The following ACACB variants were observed in gnomAD, a reference collection of about 807,000 sequenced individuals.
ACACB encodes the protein acetyl-CoA carboxylase beta.
A neutral mutation model predicts 278.8 loss-of-function variants in ACACB; 209 were observed. The ratio of observed to expected loss-of-function variants is 0.75; its 90% confidence interval spans 0.67 to 0.84. The LOEUF (loss-of-function observed/expected upper bound fraction) is 0.84. Ranked by LOEUF, ACACB falls within the 40% of genes least tolerant of loss-of-function variation. ACACB has a pLI of 0.00. For missense variants in ACACB, 2,850 were observed against 3,269.0 expected (o/e 0.87, Z 3.13); for synonymous variants, 1,174 against 1,285.6 (o/e 0.91, Z 1.86).
intron 2 of ACACB, among the ~76,000 whole-genome samples, chr12:109,163,909 A>G (rs2043816933): frequency 6.6e-6 from 1 of 152,124 alleles, no homozygotes; most frequent in Non-Finnish European, 1.5e-5. Context: ...TTCAGCTTCC[A>G]AAAGTGCTGG....
At chr12:109,180,787 C>T (rs1371486275) in intron 11 of ACACB, among the ~76,000 whole-genome samples, 1 of 152,014 alleles carries the variant, frequency 6.6e-6, no homozygotes, top group East Asian at 1.9e-4. Context: ...CCCCCTCCAG[C>T]GTTTATCCTT....
intron 21 of ACACB, among the ~76,000 whole-genome samples, chr12:109,209,919 A>ATATATGTGTATACACACACACACGTGTG (rs1565925163): frequency 2.2e-5 from 2 of 90,730 alleles, no homozygotes; most frequent in Non-Finnish European, 4.5e-5. Flanking sequence ...ACACGTGTGT[A>ATATATGTGTATACACACACACACGTGTG]TATATGTGTA....
At chr12:109,138,502 A>G (rs2043022969) in intron 1 of ACACB, among the ~76,000 whole-genome samples, 1 of 152,058 alleles carries the variant, frequency 6.6e-6, no homozygotes, top group Non-Finnish European at 1.5e-5. Context: ...TAATACTAGA[A>G]TGATGATGAT....
chr12:109,248,042 G>C (rs1190326390), intron 40 of ACACB, among the ~76,000 whole-genome samples: 1 of 152,190 alleles, frequency 6.6e-6, no homozygotes, highest in Admixed American at 6.5e-5. Flanking sequence ...GTATGGGTGG[G>C]GCAGAGAGAG....
chr12:109,167,253 A>C, intron 3 of ACACB: 1 of 434,256 alleles, frequency 2.3e-6, no homozygotes, highest in South Asian at 2.7e-5. Flanking sequence ...AAAAGTGTTA[A>C]GGGTGATCAC....
intron 37 of ACACB, among the ~76,000 whole-genome samples, chr12:109,243,897 T>TATATATATATATATATATA (rs1565965174): frequency 1.4e-5 from 2 of 147,454 alleles, no homozygotes; most frequent in African/African-American, 4.9e-5. Context: ...ATATATATAT[T>TATATATATATATATATATA]TATTTATTTA....
chr12:109,181,454 C>T (rs577831701), intron 11 of ACACB, among the ~76,000 whole-genome samples: 26 of 152,164 alleles, frequency 1.7e-4, no homozygotes, highest in African/African-American at 5.8e-4. Flanking sequence ...TCTCAAACTC[C>T]TGACCTCAGA....
chr12:109,183,743 C>T (rs1025063288), intron 11 of ACACB, among the ~76,000 whole-genome samples: 1 of 152,000 alleles, frequency 6.6e-6, no homozygotes, highest in African/African-American at 2.4e-5. Flanking sequence ...AATTGGACTT[C>T]TTCCTTTCCA....
chr12:109,171,704 G>T, intron 4 of ACACB, 101 bp from the exon 5 acceptor site: 1 of 880,160 alleles, frequency 1.1e-6, no homozygotes, highest in East Asian at 2.7e-5. Context: ...AATCTGCATG[G>T]TTCTGCTTTC....
intron 4 of ACACB, among the ~76,000 whole-genome samples, chr12:109,168,810 A>T (rs2284700): frequency 2.0e-5 from 3 of 151,818 alleles, no homozygotes; most frequent in East Asian, 1.9e-4. Context: ...AAACAGACTG[A>T]GACTCTGTCT....
intron 9 of ACACB, among the ~76,000 whole-genome samples, chr12:109,178,459 A>G (rs971241552): frequency 9.2e-5 from 14 of 152,148 alleles, no homozygotes; most frequent in Non-Finnish European, 1.8e-4. Flanking sequence ...CTTTCTCTGT[A>G]TGTGTTGCTA....
intron 1 of ACACB, chr12:109,125,658 C>T (rs1593357749): frequency 1.3e-5 from 2 of 152,196 alleles, no homozygotes; most frequent in African/African-American, 4.8e-5. Flanking sequence ...ACTCTTTCAT[C>T]AATGACTTGA....
At chr12:109,210,398 T>C (rs1391419351) in intron 21 of ACACB, among the ~76,000 whole-genome samples, 2 of 144,644 alleles carry the variant, frequency 1.4e-5, no homozygotes, top group Non-Finnish European at 3.0e-5. Flanking sequence ...TATATATGTA[T>C]ATACACGCAC....
In ACACB at chr12:109,216,879, G is replaced by T; in HGVS notation, c.3523G>T (p.Ala1175Ser). ...GGTGCTGGACTGCATCTTCTCCCAC[G>T]CACAGGTGGCCAAGAAGAACCAGCT... ...SQVLDCIFSHAQVAKKNQLVI... is the reference protein window; with the variant it reads ...SQVLDCIFSHSQVAKKNQLVI... The change falls in exon 24 of 53, where the codon GCA becomes TCA. Residue 1175 changes from alanine to serine, a missense_variant. Around this residue, in one of 3 missense-constraint regions of ACACB, gnomAD observed 2,265 missense variants for 2,561.3 expected, o/e 0.88. Transcript: ENST00000338432. The T allele has an allele frequency of 6.2e-7, 1 of 1,613,998 alleles. No individual in the cohort carries two copies. Among genetic ancestry groups the T allele is most frequent in the Non-Finnish European group, 8.5e-7 (1 of 1,180,014 alleles).
chr12:109,162,584 G>C (rs954169096), intron 2 of ACACB, among the ~76,000 whole-genome samples: 1 of 152,106 alleles, frequency 6.6e-6, no homozygotes, highest in African/African-American at 2.4e-5. Flanking sequence ...TCTTGGGAGA[G>C]GGGATCGACA....
intron 2 of ACACB, among the ~76,000 whole-genome samples, chr12:109,161,930 T>A (rs1419601042): frequency 6.6e-6 from 1 of 151,722 alleles, no homozygotes; most frequent in Non-Finnish European, 1.5e-5. Flanking sequence ...TGTCTACAAA[T>A]GATGTCCCTT....
At position 109,121,186 on chromosome 12, in the gene ACACB, C is replaced by T. The variant is rs113887162; in HGVS notation, c.-10+4482C>T. 4.2e-3 allele frequency among the ~76,000 whole-genome samples: 638 copies of T among 152,226 alleles called. 2 individuals are homozygous for T. Among genetic ancestry groups the T allele is most frequent in the Non-Finnish European group, 6.4e-3 (432 of 68,008 alleles). On this transcript the variant is annotated intron_variant, in intron 1 of 52. Transcript: ENST00000338432. ...AACTCCTGACCTCAAGTGATCTGCC[C>T]GCCTAGGCCTCCCAAAGTGCTGGGA...
chr12:109,172,389 TG>T, intron 6 of ACACB, 33 bp downstream of exon 6: 3 of 1,599,090 alleles, frequency 1.9e-6, no homozygotes, highest in Non-Finnish European at 2.6e-6. Context: ...ACATGGGAAT[TG>T]GGGTATTGCT....
intron 14 of ACACB, 42 bp downstream of exon 14, chr12:109,191,805 G>A (rs2044896934): frequency 1.2e-6 from 2 of 1,614,036 alleles, no homozygotes; most frequent in South Asian, 2.2e-5. Flanking sequence ...GGATGGCCGA[G>A]ACCTCGGCTT....
Sources: gnomAD v4.1 joint callset for allele counts (sites outside exome capture counted in the v4.1 genomes callset) on GRCh38, gnomAD v4.1.1 for gene constraint, gnomAD v4.1.1 regional missense constraint, MANE v1.5 for transcripts, NCBI Gene and HGNC (gene_info 2026-07-23, HGNC 2026-07-21) for gene names.